Variants in VAT1L observed in about 807,000 individuals in gnomAD.
VAT1L encodes the protein vesicle amine transport 1 like.
A neutral mutation model predicts 44.1 loss-of-function variants in VAT1L; 34 were observed. The observed-to-expected ratio is 0.77, with a 90% CI of 0.59 to 1.03. VAT1L has a LOEUF of 1.03. Among genes scored for constraint, VAT1L ranks in the 50% least tolerant of loss-of-function variants. The pLI, the probability that VAT1L is intolerant of heterozygous loss-of-function variation, is 0.00. For missense variants in VAT1L, 615 were observed against 538.8 expected (o/e 1.14, Z -1.40); for synonymous variants, 253 against 202.2 (o/e 1.25, Z -2.13).
At chr16:77,932,898 AT>A (rs1296086195) in intron 7 of VAT1L, among the ~76,000 whole-genome samples, 3 of 152,190 alleles carry the variant, frequency 2.0e-5, no homozygotes, top group African/African-American at 7.2e-5. Context: ...GAATGGTAGG[AT>A]TCAAGCATGT....
chr16:77,844,369 G>A (rs1017526102), intron 3 of VAT1L, among the ~76,000 whole-genome samples: 3 of 152,078 alleles, frequency 2.0e-5, no homozygotes, highest in Admixed American at 6.6e-5. Context: ...AGGAAGATGG[G>A]CATAGGTTAT....
chr16:77,937,378 G>A (rs1490851402), intron 7 of VAT1L, among the ~76,000 whole-genome samples: 1 of 152,202 alleles, frequency 6.6e-6, no homozygotes, highest in Non-Finnish European at 1.5e-5. Flanking sequence ...TGAGTTGCAA[G>A]AGAGCCTGTG....
chr16:77,961,800 A>G (rs2018162929), intron 7 of VAT1L, among the ~76,000 whole-genome samples: 1 of 152,116 alleles, frequency 6.6e-6, no homozygotes, highest in African/African-American at 2.4e-5. Context: ...CAGCTCCTCC[A>G]CTATCAGCTG....
intron 4 of VAT1L, among the ~76,000 whole-genome samples, chr16:77,875,031 A>T (rs2017073980): frequency 6.6e-6 from 1 of 152,192 alleles, no homozygotes. Context: ...TAAACCCTGC[A>T]GGTTATTACA....
rs1385617150 is a variant in VAT1L at position 77,979,459 on chromosome 16, C to T, written c.*1764C>T. 1 of 152,110 alleles carries T rather than the reference C, an allele frequency of 6.6e-6. No individual in the cohort carries two copies. Among genetic ancestry groups the T allele is most frequent in the Admixed American group, 6.6e-5 (1 of 15,254 alleles). 9.4% of individuals were successfully genotyped at this position (152,110 alleles called of 1,614,324 possible). A position where few individuals can be genotyped will look rare whatever the true frequency, so the allele number is the denominator to read the frequency against. On this transcript the variant is annotated 3_prime_UTR_variant, in exon 9 of 9. Coordinates refer to ENST00000302536, the MANE Select transcript of VAT1L (RefSeq NM_020927.3). The stretch of plus-strand genomic sequence containing the variant: ...AAGTGCTATATTATTGGCTGTTTCT[C>T]CCGTAACCATGCTGAAAAGGGGGTC...
At chr16:77,890,660 C>T (rs1185080904) in intron 7 of VAT1L, among the ~76,000 whole-genome samples, 1 of 151,584 alleles carries the variant, frequency 6.6e-6, no homozygotes, top group East Asian at 2.0e-4. Context: ...TGGTGGCTCA[C>T]ACCTGTTATC....
At chr16:77,975,412 A>G (rs1279381894) in intron 8 of VAT1L, among the ~76,000 whole-genome samples, 1 of 151,704 alleles carries the variant, frequency 6.6e-6, no homozygotes, top group Non-Finnish European at 1.5e-5. Flanking sequence ...GGGTTTCACC[A>G]TGTTGGCCAG....
chr16:77,838,348 G>A (rs373431171), intron 3 of VAT1L, among the ~76,000 whole-genome samples: 14 of 152,116 alleles, frequency 9.2e-5, no homozygotes, highest in African/African-American at 3.1e-4. Flanking sequence ...AAGCAGCCTC[G>A]TTGCCTTTGA....
chr16:77,859,688 C>G (rs115213350), intron 3 of VAT1L, among the ~76,000 whole-genome samples: 1 of 152,220 alleles, frequency 6.6e-6, no homozygotes, highest in East Asian at 1.9e-4. Context: ...TAAGAAGAGA[C>G]AGTTATAAGA....
intron 3 of VAT1L, among the ~76,000 whole-genome samples, chr16:77,856,048 G>C (rs893200448): frequency 6.6e-6 from 1 of 152,060 alleles, no homozygotes; most frequent in Non-Finnish European, 1.5e-5. Flanking sequence ...AAAAAACACT[G>C]TAGTGATAGA....
chr16:77,836,595 G>C (rs1330097516), intron 3 of VAT1L, among the ~76,000 whole-genome samples: 2 of 152,140 alleles, frequency 1.3e-5, no homozygotes, highest in Non-Finnish European at 2.9e-5. Flanking sequence ...TGTGGAACGA[G>C]GGCCCCGCCT....
intron 8 of VAT1L, among the ~76,000 whole-genome samples, chr16:77,974,891 G>A (rs560382016): frequency 6.6e-6 from 1 of 152,106 alleles, no homozygotes; most frequent in South Asian, 2.1e-4. Context: ...TTTATCCCTG[G>A]GACCTAAAGA....
intron 8 of VAT1L, among the ~76,000 whole-genome samples, chr16:77,975,371 C>T (rs2018327588): frequency 6.6e-6 from 1 of 151,816 alleles, no homozygotes; most frequent in African/African-American, 2.4e-5. Flanking sequence ...CACACCACAC[C>T]TGGCTAATTT....
chr16:77,910,850 G>A (rs552781433), intron 7 of VAT1L, among the ~76,000 whole-genome samples: 1 of 152,128 alleles, frequency 6.6e-6, no homozygotes, highest in Non-Finnish European at 1.5e-5. Context: ...TTCAGTATGT[G>A]CTATATGCCA....
chr16:77,974,100 A>G (rs2018309642), intron 8 of VAT1L, among the ~76,000 whole-genome samples: 1 of 152,214 alleles, frequency 6.6e-6, no homozygotes, highest in Non-Finnish European at 1.5e-5. Context: ...TCAATGAAGG[A>G]CACCTTCAAC....
chr16:77,799,504 G>GGTGTGTGTGTGT (rs10525414), intron 1 of VAT1L, among the ~76,000 whole-genome samples: 2 of 140,890 alleles, frequency 1.4e-5, no homozygotes, highest in African/African-American at 2.8e-5. Context: ...TGGAATACAT[G>GGTGTGTGTGTGT]GTGTGTGTGT....
intron 6 of VAT1L, among the ~76,000 whole-genome samples, chr16:77,881,168 A>G (rs537788279): frequency 6.6e-5 from 10 of 152,260 alleles, no homozygotes; most frequent in Admixed American, 2.0e-4. Context: ...CCCCTCCCCA[A>G]CAGGGGATTG....
intron 7 of VAT1L, among the ~76,000 whole-genome samples, chr16:77,953,968 T>C: frequency 6.6e-6 from 1 of 152,178 alleles, no homozygotes; most frequent in Non-Finnish European, 1.5e-5. Context: ...CATTAGACCA[T>C]GAACTGTGGG....
At chr16:77,870,541 TCACCATC>T (rs1417431342) in intron 4 of VAT1L, among the ~76,000 whole-genome samples, 2 of 152,174 alleles carry the variant, frequency 1.3e-5, no homozygotes, top group Non-Finnish European at 2.9e-5. Flanking sequence ...GAGGCAGCAT[TCACCATC>T]CAGGGCCCGG....
Sources: allele counts gnomAD v4.1 joint callset (sites outside exome capture counted in the v4.1 genomes callset), GRCh38; gene constraint gnomAD v4.1.1; transcripts MANE v1.5; gene names NCBI Gene and HGNC (gene_info 2026-07-23, HGNC 2026-07-21).